Variants in ZNF423 observed in about 807,000 individuals in gnomAD.
ZNF423 encodes the protein zinc finger protein 423.
ZNF423 carries 12 observed loss-of-function variants against 95.8 expected under a neutral mutation model. That is an observed-to-expected ratio of 0.13 (90% CI 0.08 to 0.20). The LOEUF (loss-of-function observed/expected upper bound fraction) is 0.20. Ranked by LOEUF, ZNF423 falls within the 10% of genes least tolerant of loss-of-function variation. The pLI is 1.00. For synonymous variants in ZNF423, 749 were observed against 711.9 expected (o/e 1.05, Z -0.83); for missense variants, 1,316 against 1,737.1 (o/e 0.76, Z 4.31).
At chr16:49,768,849 T>C (rs942033659) in intron 2 of ZNF423, among the ~76,000 whole-genome samples, 13 of 151,834 alleles carry the variant, frequency 8.6e-5, no homozygotes, top group African/African-American at 3.1e-4. Context: ...CCTCAACATC[T>C]CACGGGCATC....
At chr16:49,780,069 C>T (rs969915781) in intron 2 of ZNF423, among the ~76,000 whole-genome samples, 22 of 152,306 alleles carry the variant, frequency 1.4e-4, no homozygotes, top group Admixed American at 1.0e-3. Flanking sequence ...AGCCTAGCTC[C>T]GTGGAAGCGA....
chr16:49,530,998 C>T (rs1166124391), intron 5 of ZNF423, among the ~76,000 whole-genome samples: 2 of 152,216 alleles, frequency 1.3e-5, no homozygotes, highest in East Asian at 3.9e-4. Context: ...CAGAGCCGCC[C>T]TCCGCATCTC....
chr16:49,663,734 T>C (rs1422865721), intron 3 of ZNF423, among the ~76,000 whole-genome samples: 26 of 151,914 alleles, frequency 1.7e-4, no homozygotes, highest in Non-Finnish European at 2.9e-5. Context: ...AGGAGGTCAA[T>C]GGGTGGGGCA....
At chr16:49,675,654 C>T (rs751195871) in intron 3 of ZNF423, among the ~76,000 whole-genome samples, 31 of 152,180 alleles carry the variant, frequency 2.0e-4, no homozygotes, top group Non-Finnish European at 3.8e-4. Context: ...AGTGCTCACA[C>T]GCACATGGAG....
At chr16:49,765,959 G>C (rs886199671) in intron 2 of ZNF423, among the ~76,000 whole-genome samples, 2 of 152,196 alleles carry the variant, frequency 1.3e-5, no homozygotes, top group Non-Finnish European at 2.9e-5. Flanking sequence ...AATGAGAATA[G>C]AGTTTCACCT....
intron 1 of ZNF423, among the ~76,000 whole-genome samples, chr16:49,801,364 A>G (rs1378937953): frequency 2.0e-5 from 3 of 152,244 alleles, no homozygotes; most frequent in Non-Finnish European, 4.4e-5. Flanking sequence ...ATTTCAAAGA[A>G]GGAAGAATAG....
chr16:49,566,075 G>A (rs1214991594), intron 5 of ZNF423, among the ~76,000 whole-genome samples: 1 of 152,078 alleles, frequency 6.6e-6, no homozygotes, highest in Non-Finnish European at 1.5e-5. Context: ...AGGAGGCCTG[G>A]TCTAACCCCA....
At chr16:49,851,443 T>G (rs1305890369) in intron 1 of ZNF423, among the ~76,000 whole-genome samples, 1 of 152,208 alleles carries the variant, frequency 6.6e-6, no homozygotes, top group Non-Finnish European at 1.5e-5. Flanking sequence ...CCACAGCCAC[T>G]AGCTTAAGAG....
chr16:49,709,607 C>G (rs1470961718), intron 3 of ZNF423, among the ~76,000 whole-genome samples: 1 of 152,090 alleles, frequency 6.6e-6, no homozygotes, highest in Non-Finnish European at 1.5e-5. Flanking sequence ...ATGTTTACGT[C>G]CCCCCAAAAT....
chr16:49,493,797 G>C (rs964174517), intron 7 of ZNF423, among the ~76,000 whole-genome samples: 13 of 152,216 alleles, frequency 8.5e-5, no homozygotes, highest in African/African-American at 2.7e-4. Context: ...GAATAGCAGA[G>C]ACGGAGGTGT....
intron 7 of ZNF423, among the ~76,000 whole-genome samples, chr16:49,520,423 G>A (rs770838476): frequency 5.3e-5 from 8 of 152,148 alleles, no homozygotes; most frequent in African/African-American, 1.2e-4. Context: ...AAAACATTAC[G>A]TTTGGAGGGA....
intron 7 of ZNF423, among the ~76,000 whole-genome samples, chr16:49,515,081 T>A (rs1196648747): frequency 6.6e-6 from 1 of 152,256 alleles, no homozygotes; most frequent in Non-Finnish European, 1.5e-5. Flanking sequence ...GAAGTCCCTA[T>A]CTCCGTGACG....
intron 3 of ZNF423, among the ~76,000 whole-genome samples, chr16:49,667,606 G>A (rs768930835): frequency 2.6e-5 from 4 of 152,252 alleles, no homozygotes; most frequent in Non-Finnish European, 5.9e-5. Flanking sequence ...CGAGGGCTGG[G>A]CACAGTGGCC....
chr16:49,759,507 A>G (rs2033788254), intron 2 of ZNF423, among the ~76,000 whole-genome samples: 1 of 152,210 alleles, frequency 6.6e-6, no homozygotes, highest in South Asian at 2.1e-4. Context: ...GTCAACTTAC[A>G]GATAGGTGCT....
chr16:49,815,881 A>AAAAATAT (rs1185501557), intron 1 of ZNF423, among the ~76,000 whole-genome samples: 1 of 47,610 alleles, frequency 2.1e-5, no homozygotes, highest in African/African-American at 9.9e-5. Context: ...AAAAAAAAAA[A>AAAAATAT]ATATATATAT....
chr16:49,843,871 C>T (rs1051174482), intron 1 of ZNF423, among the ~76,000 whole-genome samples: 17 of 152,098 alleles, frequency 1.1e-4, no homozygotes, highest in African/African-American at 4.1e-4. Flanking sequence ...CCCAAGGCCA[C>T]TTAATGGTGG....
At chr16:49,549,382 G>A (rs1969552509) in intron 5 of ZNF423, among the ~76,000 whole-genome samples, 1 of 152,340 alleles carries the variant, frequency 6.6e-6, no homozygotes, top group Non-Finnish European at 1.5e-5. Flanking sequence ...CCAGATGGCA[G>A]GGAAGAGCTC....
intron 3 of ZNF423, among the ~76,000 whole-genome samples, chr16:49,644,426 G>A (rs1973093278): frequency 6.6e-6 from 1 of 151,558 alleles, no homozygotes. Flanking sequence ...TGGCTGAGGT[G>A]GGAGGATCGT....
intron 1 of ZNF423, among the ~76,000 whole-genome samples, chr16:49,807,676 G>A (rs2034687088): frequency 6.6e-6 from 1 of 152,200 alleles, no homozygotes; most frequent in Non-Finnish European, 1.5e-5. Flanking sequence ...TGTGGAAAAG[G>A]CCTTTGGGGG....
Sources: allele counts gnomAD v4.1 joint callset (sites outside exome capture counted in the v4.1 genomes callset), GRCh38; gene constraint gnomAD v4.1.1; transcripts MANE v1.5; gene names NCBI Gene and HGNC (gene_info 2026-07-23, HGNC 2026-07-21).